The following NEGR1 variants were observed in gnomAD, a reference collection of about 807,000 sequenced individuals.
The protein encoded by NEGR1 is IgLON family member 4.
A neutral mutation model predicts 40.9 loss-of-function variants in NEGR1; 10 were observed. That is an observed-to-expected ratio of 0.24 (90% confidence interval 0.15 to 0.42). The LOEUF (loss-of-function observed/expected upper bound fraction) is 0.42. Among genes scored for constraint, NEGR1 ranks in the 10% least tolerant of loss-of-function variants. The probability of loss-of-function intolerance (pLI) is 1.00; values close to 1 mark genes in which losing one functional copy is unlikely to be tolerated. For missense variants in NEGR1, 352 were observed against 438.9 expected (o/e 0.80, Z 1.77); for synonymous variants, 185 against 166.8 (o/e 1.11, Z -0.84).
At chr1:71,738,660 C>A (rs1190995773) in intron 3 of NEGR1, among the ~76,000 whole-genome samples, 4 of 152,058 alleles carry the variant, frequency 2.6e-5, no homozygotes, top group Non-Finnish European at 5.9e-5. Flanking sequence ...TCAGTAGTGT[C>A]CTGCCTGTGT....
At chr1:72,105,229 C>G (rs1229665839) in intron 1 of NEGR1, among the ~76,000 whole-genome samples, 1 of 152,058 alleles carries the variant, frequency 6.6e-6, no homozygotes, top group Non-Finnish European at 1.5e-5. Flanking sequence ...TCATTAAACC[C>G]TTCAACTAAT....
chr1:72,145,377 G>GT (rs1650867656), intron 1 of NEGR1, among the ~76,000 whole-genome samples: 1 of 152,084 alleles, frequency 6.6e-6, no homozygotes, highest in Non-Finnish European at 1.5e-5. Context: ...TTTACTTCAA[G>GT]TGAATTGAGT....
intron 2 of NEGR1, among the ~76,000 whole-genome samples, chr1:71,784,802 T>G (rs1272089584): frequency 6.6e-6 from 1 of 152,194 alleles, no homozygotes; most frequent in African/African-American, 2.4e-5. Context: ...ACACATGAAG[T>G]AGGTTTAGTA....
chr1:71,526,298 C>T (rs1444945203), intron 6 of NEGR1, among the ~76,000 whole-genome samples: 1 of 151,362 alleles, frequency 6.6e-6, no homozygotes, highest in African/African-American at 2.4e-5. Context: ...AGGAAAAAAC[C>T]CTACAAACCT....
intron 1 of NEGR1, among the ~76,000 whole-genome samples, chr1:72,270,600 A>T (rs1033023519): frequency 1.3e-5 from 2 of 151,858 alleles, no homozygotes; most frequent in African/African-American, 4.8e-5. Context: ...CGTATCTTCC[A>T]TTCTAAACTG....
At chr1:71,916,753 T>C (rs754550449) in intron 2 of NEGR1, among the ~76,000 whole-genome samples, 25 of 152,086 alleles carry the variant, frequency 1.6e-4, no homozygotes, top group Non-Finnish European at 2.6e-4. Flanking sequence ...TGAAACTCTG[T>C]AAAAAAGACA....
In NEGR1 at chr1:71,734,576, A is replaced by G. The variant is rs1654988550; in HGVS notation, c.536-36437T>C. On this transcript the variant is annotated intron_variant, in intron 3 of 6. Transcript: ENST00000357731. ...GGCTTATCCCTTTTTGTTTAATTTT[A>G]CTAAAGTAAAAATAAATGCTGATTT... is the stretch of plus-strand genomic sequence containing the variant. 1.3e-5 allele frequency among the ~76,000 whole-genome samples: 2 copies of G among 152,128 alleles called. 1 individual carries two copies. The highest frequency in any genetic ancestry group is 4.1e-4 in the South Asian group (2 of 4,838).
chr1:71,836,793 C>T (rs1417862216), intron 2 of NEGR1, among the ~76,000 whole-genome samples: 2 of 152,082 alleles, frequency 1.3e-5, no homozygotes, highest in African/African-American at 2.4e-5. Flanking sequence ...TATTTTTACC[C>T]GCTACTACAC....
At chr1:71,649,314 T>A (rs550304118) in intron 4 of NEGR1, among the ~76,000 whole-genome samples, 1 of 152,228 alleles carries the variant, frequency 6.6e-6, no homozygotes, top group African/African-American at 2.4e-5. Flanking sequence ...AGGCTTAAAA[T>A]GTATATCTGA....
intron 6 of NEGR1, among the ~76,000 whole-genome samples, chr1:71,425,135 T>C (rs4622013): frequency 0.028 from 4,213 of 151,792 alleles, 80 homozygotes; most frequent in Non-Finnish European, 0.036. Context: ...CATGTCAAGA[T>C]GAAATGACTG....
intron 1 of NEGR1, among the ~76,000 whole-genome samples, chr1:72,243,080 A>G (rs1326858562): frequency 1.3e-5 from 2 of 151,770 alleles, no homozygotes; most frequent in Non-Finnish European, 3.0e-5. Flanking sequence ...AAATATTTTA[A>G]TAACATGTTC....
intron 4 of NEGR1, among the ~76,000 whole-genome samples, chr1:71,646,445 A>G (rs1260267695): frequency 6.6e-6 from 1 of 151,792 alleles, no homozygotes; most frequent in African/African-American, 2.4e-5. Flanking sequence ...TCTGCCAGAA[A>G]TATCAAGAAA....
At chr1:71,869,629 TA>T (rs1660219873) in intron 2 of NEGR1, among the ~76,000 whole-genome samples, 1 of 152,056 alleles carries the variant, frequency 6.6e-6, no homozygotes, top group African/African-American at 2.4e-5. Context: ...CTAAACAGAG[TA>T]GAAGTTGGAA....
intron 1 of NEGR1, among the ~76,000 whole-genome samples, chr1:71,958,175 T>G (rs1330644921): frequency 6.6e-6 from 1 of 152,224 alleles, no homozygotes; most frequent in Non-Finnish European, 1.5e-5. Flanking sequence ...AGCATTTTCA[T>G]GACAAAATGA....
At chr1:71,579,603 A>ATTTTTTTT (rs36097070) in intron 6 of NEGR1, among the ~76,000 whole-genome samples, 4 of 138,880 alleles carry the variant, frequency 2.9e-5, no homozygotes, top group Non-Finnish European at 6.2e-5. Context: ...ACTACTTAAG[A>ATTTTTTTT]TTTTTTTTTT....
intron 6 of NEGR1, chr1:71,468,798 T>C (rs767037271): frequency 1.2e-4 from 18 of 152,174 alleles, no homozygotes; most frequent in Non-Finnish European, 2.5e-4. Flanking sequence ...ATGTTTGCAA[T>C]TTCCATTGGC....
At position 71,986,083 on chromosome 1, in the gene NEGR1, T is replaced by G. The variant is rs118020493; in HGVS notation, c.177-50772A>C. On this transcript the variant is annotated intron_variant, in intron 1 of 6. Coordinates refer to ENST00000357731, the MANE Select transcript of NEGR1 (RefSeq NM_173808.3). ...GTGGAAAATACTCATATGTATTTATTTGTTTCCCAATCTCATCTGGAAAGA... is the reference window on the plus strand; with the variant it reads ...GTGGAAAATACTCATATGTATTTATGTGTTTCCCAATCTCATCTGGAAAGA... Among the ~76,000 whole-genome samples the G allele has an allele frequency of 1.4e-4, 21 of 152,374 alleles. No individual in the cohort carries two copies. In the East Asian group the frequency reaches 4.1e-3, roughly 29 times the overall value.
chr1:72,256,991 G>C (rs2100539380), intron 1 of NEGR1, among the ~76,000 whole-genome samples: 1 of 152,278 alleles, frequency 6.6e-6, no homozygotes, highest in East Asian at 1.9e-4. Flanking sequence ...TCTGTGGTTT[G>C]ACTTCTTAAT....
At chr1:71,839,192 A>C (rs1570416890) in intron 2 of NEGR1, among the ~76,000 whole-genome samples, 1 of 136,614 alleles carries the variant, frequency 7.3e-6, no homozygotes, top group African/African-American at 2.7e-5. Flanking sequence ...CTGAAAAGAG[A>C]CCAGACTTTT....
Sources: allele counts gnomAD v4.1 joint callset (sites outside exome capture counted in the v4.1 genomes callset), GRCh38; gene constraint gnomAD v4.1.1; transcripts MANE v1.5; gene names NCBI Gene and HGNC (gene_info 2026-07-23, HGNC 2026-07-21).